The following FBXO41 variants were observed in gnomAD, a reference collection of about 807,000 sequenced individuals.
The protein encoded by FBXO41 is F-box protein 41, also known as F-box only protein 41.
In FBXO41, 33 loss-of-function variants were observed where a neutral mutation model predicts 81.6. The ratio of observed to expected loss-of-function variants is 0.40; its 90% CI spans 0.31 to 0.54. The LOEUF (loss-of-function observed/expected upper bound fraction) is 0.54, where lower values mean the gene tolerates loss of function less well. Among genes scored for constraint, FBXO41 ranks in the 20% least tolerant of loss-of-function variants. The pLI, the probability that FBXO41 is intolerant of heterozygous loss-of-function variation, is 0.39. For missense variants in FBXO41, 1,107 were observed against 1,236.0 expected, an observed-to-expected ratio of 0.90 and a Z score of 1.56; for synonymous variants, 576 against 552.7, an observed-to-expected ratio of 1.04 and a Z score of -0.59.
chr2:73,268,395 G>T (rs1335683968), intron 2 of FBXO41, among the ~76,000 whole-genome samples: 1 of 152,148 alleles, frequency 6.6e-6, no homozygotes, highest in Admixed American at 6.5e-5. Context: ...AAAAAATCGG[G>T]TGATGGAAAA....
At chr2:73,276,559 TCAGA>T (rs1301714272) in intron 1 of FBXO41, among the ~76,000 whole-genome samples, 6 of 75,746 alleles carry the variant, frequency 7.9e-5, no homozygotes, top group Admixed American at 1.5e-4. Flanking sequence ...GCAAATCTAT[TCAGA>T]GAGAGAGAGA....
chr2:73,267,627 C>A (rs566351811), intron 2 of FBXO41, among the ~76,000 whole-genome samples: 5 of 152,202 alleles, frequency 3.3e-5, no homozygotes, highest in Non-Finnish European at 5.9e-5. Context: ...CATCTATATA[C>A]AAATGCTCCT....
chr2:73,259,437 G>T lies in FBXO41; in HGVS notation c.2450-141C>A. The T allele has an allele frequency of 1.4e-6, 1 of 705,254 alleles. No individual in the cohort carries two copies. Among genetic ancestry groups the T allele is most frequent in the Non-Finnish European group, 2.4e-6 (1 of 410,810 alleles). 43.7% of individuals were successfully genotyped at this position (705,254 alleles called of 1,614,324 possible). On this transcript the variant is annotated intron_variant, in intron 11 of 12. Transcript: ENST00000520530. This position sits in a 1 kb window ranked among gnomAD's most constrained non-coding sequence, Gnocchi z 4.2. The stretch of plus-strand genomic sequence containing the variant: ...AGAGGAGAGCAGACTCATGCCACCT[G>T]GGGGCTGGCGACCGGATGCGGGGAG...
In FBXO41 at chr2:73,268,813, G is replaced by C. The variant is rs867531332; in HGVS notation, c.818C>G (p.Ser273Cys). The change falls in exon 2 of 13, where the codon TCC becomes TGC. Residue 273 changes from serine to cysteine, a missense_variant. Transcript: ENST00000520530. ...CTCTACGCTCACGTCCACCTGGCGGGAGAGCTCAGACGCGCGCTCCTCCAG... is the reference window on the plus strand; with the variant it reads ...CTCTACGCTCACGTCCACCTGGCGGCAGAGCTCAGACGCGCGCTCCTCCAG... ...EELEERASEL[S>C]RQVDVSVELL... 21 of 1,579,414 alleles carry C rather than the reference G, an allele frequency of 1.3e-5. No individual in the cohort carries two copies. The highest frequency in any genetic ancestry group is 1.6e-5 in the Non-Finnish European group (19 of 1,163,422).
In FBXO41 at chr2:73,256,155, C is replaced by G. The variant is rs1001492977; in HGVS notation, c.*2827G>C. On this transcript the variant is annotated 3_prime_UTR_variant, in exon 13 of 13. Transcript: ENST00000520530. ...ACTGGGCCTCTACACATACCTGGGG[C>G]CCCTGGAGCAGGGCTGCTTGCTCTC... 6.6e-6 allele frequency: 1 copy of G among 152,168 alleles called. No homozygotes were observed. The highest frequency in any genetic ancestry group is 2.4e-5 in the African/African-American group (1 of 41,402). 9.4% of individuals were successfully genotyped at this position (152,168 alleles called of 1,614,324 possible). A position where few individuals can be genotyped will look rare whatever the true frequency, so the allele number is the denominator to read the frequency against.
In FBXO41 at chr2:73,269,130, C is replaced by T. The variant is rs1318108546; in HGVS notation, c.501G>A (p.Ala167=). ...LFARKSVASS[A]CSTPPPGPGP... Reference sequence around the variant, plus strand: ...CGGGGCCAGGCGGCGGCGTCGAGCACGCCGAGGACGCCACGGACTTGCGGG... The same window carrying T: ...CGGGGCCAGGCGGCGGCGTCGAGCATGCCGAGGACGCCACGGACTTGCGGG... Residue 167 remains alanine (A), a synonymous_variant, in exon 2 of 13, where the codon GCG becomes GCA. Transcript: ENST00000520530. This position sits in a 1 kb window ranked among gnomAD's most constrained non-coding sequence, Gnocchi z 7.0. 6.6e-7 allele frequency: 1 copy of T among 1,518,416 alleles called. No individual in the cohort carries two copies. Among genetic ancestry groups the T allele is most frequent in the Non-Finnish European group, 8.8e-7 (1 of 1,139,650 alleles). 94.1% of individuals were successfully genotyped at this position (1,518,416 alleles called of 1,614,324 possible). A position where few individuals can be genotyped will look rare whatever the true frequency, so the allele number is the denominator to read the frequency against.
Position 73,269,271 on chromosome 2 carries a change from G to T in FBXO41, c.360C>A (p.Gly120=). 2 of 1,530,714 alleles carry T rather than the reference G, an allele frequency of 1.3e-6. No homozygotes were observed. The highest frequency in any genetic ancestry group is 1.8e-6 in the Non-Finnish European group (2 of 1,139,026). 94.8% of individuals were successfully genotyped at this position (1,530,714 alleles called of 1,614,324 possible). A position where few individuals can be genotyped will look rare whatever the true frequency, so the allele number is the denominator to read the frequency against. The part of the protein sequence containing the change: ...HHHAPLAHFP[G]DLVPASLPCE... ...AGGGCAGGCTAGCGGGCACCAGGTC[G>T]CCGGGGAAGTGGGCGAGGGGAGCGT... The change falls in exon 2 of 13, where the codon GGC becomes GGA. Residue 120 remains glycine (G), a synonymous_variant. Transcript: ENST00000520530. The surrounding 1 kb of genome is among the most constrained non-coding windows in gnomAD (Gnocchi z 7.0).
intron 1 of FBXO41, among the ~76,000 whole-genome samples, chr2:73,283,934 G>C (rs892857884): frequency 2.0e-5 from 3 of 152,132 alleles, no homozygotes; most frequent in Non-Finnish European, 1.5e-5. Flanking sequence ...ACAGGCGAGA[G>C]GGGGGAGGGG....
chr2:73,271,159 T>A, intron 1 of FBXO41: 1 of 346,382 alleles, frequency 2.9e-6, no homozygotes, highest in South Asian at 2.2e-5. Flanking sequence ...TACTTCTCCA[T>A]CCTGACCTGC....
chr2:73,269,058 G>A lies in FBXO41; in HGVS notation c.573C>T (p.Pro191=), dbSNP rs1368423607. The change falls in exon 2 of 13, where the codon CCC becomes CCT. Residue 191 remains proline (P), a synonymous_variant. Transcript: ENST00000520530. The surrounding 1 kb of genome is among the most constrained non-coding windows in gnomAD (Gnocchi z 7.0). ...PGPASASPAS[P]SPADVAYEEG... is the part of the protein sequence containing the mutation. ...CTTCGTAGGCCACATCAGCGGGTGA[G>A]GGGGACGCGGGCGAAGCGGAGGCAG... 2 of 1,525,492 alleles carry A rather than the reference G, an allele frequency of 1.3e-6. No homozygotes were observed. Among genetic ancestry groups the A allele is most frequent in the Non-Finnish European group, 1.8e-6 (2 of 1,141,514 alleles). 94.5% of individuals were successfully genotyped at this position (1,525,492 alleles called of 1,614,324 possible). A position where few individuals can be genotyped will look rare whatever the true frequency, so the allele number is the denominator to read the frequency against.
chr2:73,266,325 C>T lies in FBXO41; in HGVS notation c.1131+132G>A, dbSNP rs979107263. The T allele has an allele frequency of 7.2e-5, 79 of 1,102,998 alleles. No individual in the cohort carries two copies. The African/African-American group carries it at 1.0e-3, about 14-fold the overall frequency. The allele number at this position is 1,102,998 out of a possible 1,614,324, so 68.3% of individuals were successfully genotyped here. ...ATCAAAGGGGCTCCCCTGTTCCTGG[C>T]ATCTGCTGGTGGGGTAAAAGCCAAA... On this transcript the variant is annotated intron_variant, in intron 3 of 12. Coordinates refer to ENST00000520530, the MANE Select transcript of FBXO41 (RefSeq NM_001371389.2). This position sits in a 1 kb window ranked among gnomAD's most constrained non-coding sequence, Gnocchi z 5.3.
chr2:73,263,263 G>T lies in FBXO41; in HGVS notation c.2121C>A (p.Gly707=), dbSNP rs752179486. The T allele has an allele frequency of 1.3e-6, 2 of 1,554,408 alleles. No individual in the cohort carries two copies. Among genetic ancestry groups the T allele is most frequent in the Admixed American group, 1.9e-5 (1 of 51,484 alleles). The change falls in exon 9 of 13, where the codon GGC becomes GGA. Residue 707 remains glycine (G), a synonymous_variant. Coordinates refer to ENST00000520530, the MANE Select transcript of FBXO41 (RefSeq NM_001371389.2). ...PVGHEVIWAL[G]AGCREIVSLQ... ...GGGAGACGATCTCTCTGCAGCCTGC[G>T]CCCAGGGCCCAAATGACCTCATGGC...
rs187121378 is a variant in FBXO41, at chr2:73,266,365, G to A, written c.1131+92C>T. The A allele has an allele frequency of 2.7e-4, 372 of 1,361,624 alleles. 2 individuals are homozygous for A. In the African/African-American group the frequency reaches 4.6e-3, roughly 17 times the overall value. 84.3% of individuals were successfully genotyped at this position (1,361,624 alleles called of 1,614,324 possible). A position where few individuals can be genotyped will look rare whatever the true frequency, so the allele number is the denominator to read the frequency against. ...TAAAAGCCAAAGAAGGGGCGAATGC[G>A]GCATCATGGGGGAGATGTCCAGCCA... On this transcript the variant is annotated intron_variant, in intron 3 of 12. Transcript: ENST00000520530. The surrounding 1 kb of genome is among the most constrained non-coding windows in gnomAD (Gnocchi z 5.3).
chr2:73,264,240 T>C (rs1484514418), intron 6 of FBXO41, 38 bp downstream of exon 6: 1 of 1,611,464 alleles, frequency 6.2e-7, no homozygotes, highest in Non-Finnish European at 8.5e-7. Flanking sequence ...GAAAGGTGGG[T>C]TCACAGCAGG....
chr2:73,262,550 T>A (rs1423781128), intron 9 of FBXO41, among the ~76,000 whole-genome samples: 3 of 152,250 alleles, frequency 2.0e-5, no homozygotes, highest in Non-Finnish European at 1.5e-5. Flanking sequence ...AGCTGGTGTT[T>A]ACTGAACAAT....
At chr2:73,265,161 G>A in intron 5 of FBXO41, 121 bp downstream of exon 5, 3 of 938,634 alleles carry the variant, frequency 3.2e-6, no homozygotes, top group Non-Finnish European at 4.6e-6. Flanking sequence ...TCCTGCCCCA[G>A]GCTTGAAGGG....
At chr2:73,275,373 G>C (rs541636142) in intron 1 of FBXO41, among the ~76,000 whole-genome samples, 8 of 152,072 alleles carry the variant, frequency 5.3e-5, no homozygotes, top group Non-Finnish European at 7.4e-5. Context: ...AGTAGAGACA[G>C]CGTTTCACCA....
Position 73,256,287 on chromosome 2 carries a change from T to G in FBXO41, c.*2695A>C, listed in dbSNP as rs1160000732. 1 of 152,258 alleles carries G rather than the reference T, an allele frequency of 6.6e-6. No homozygotes were observed. The highest frequency in any genetic ancestry group is 1.5e-5 in the Non-Finnish European group (1 of 68,098). 9.4% of individuals were successfully genotyped at this position (152,258 alleles called of 1,614,324 possible). A position where few individuals can be genotyped will look rare whatever the true frequency, so the allele number is the denominator to read the frequency against. The stretch of plus-strand genomic sequence containing the variant: ...TAGGGATAGCCAGGCCCTCTGTCCC[T>G]GTTCCCATCCTCAGCCCTAGCTGTA... On this transcript the variant is annotated 3_prime_UTR_variant, in exon 13 of 13. Transcript: ENST00000520530.
In FBXO41 at chr2:73,257,220, G is replaced by C. The variant is rs943938856; in HGVS notation, c.*1762C>G. 1.3e-5 allele frequency: 2 copies of C among 153,030 alleles called. No individual in the cohort carries two copies. The highest frequency in any genetic ancestry group is 4.8e-5 in the African/African-American group (2 of 41,472). The allele number at this position is 153,030 out of a possible 1,614,324, so 9.5% of individuals were successfully genotyped here. On this transcript the variant is annotated 3_prime_UTR_variant, in exon 13 of 13. Coordinates refer to ENST00000520530, the MANE Select transcript of FBXO41 (RefSeq NM_001371389.2). The surrounding 1 kb of genome is among the most constrained non-coding windows in gnomAD (Gnocchi z 4.6). ...GGCAAGGGGTGCCACACACAGCCAAGGCTTTGTGCAGGACTGGGCAGGGAG... is the reference window on the plus strand; with the variant it reads ...GGCAAGGGGTGCCACACACAGCCAACGCTTTGTGCAGGACTGGGCAGGGAG...
Sources: gnomAD v4.1 joint callset for allele counts (sites outside exome capture counted in the v4.1 genomes callset) on GRCh38, gnomAD v4.1.1 for gene constraint, Gnocchi (gnomAD v3.1) non-coding constraint, MANE v1.5 for transcripts, NCBI Gene and HGNC (gene_info 2026-07-23, HGNC 2026-07-21) for gene names.